The following SAMD5 variants were observed in gnomAD, a reference collection of about 807,000 sequenced individuals.
SAMD5 encodes the protein sterile alpha motif domain containing 5, also known as sterile alpha motif domain-containing protein 5.
Under a neutral mutation model 11.3 loss-of-function variants are expected in SAMD5, and 13 were observed. The observed-to-expected ratio is 1.15, with a 90% CI of 0.75 to 1.83. SAMD5 has a LOEUF of 1.83. SAMD5 is among the 40% of genes most tolerant of loss of function. The probability of loss-of-function intolerance (pLI) is 0.00; values close to 1 mark genes in which losing one functional copy is unlikely to be tolerated. For missense variants in SAMD5, 255 were observed against 239.1 expected, an observed-to-expected ratio of 1.07 and a Z score of -0.44; for synonymous variants, 129 against 111.3, an observed-to-expected ratio of 1.16 and a Z score of -1.00.
chr6:147,785,235 C>T, the SAMD5 span, among the ~76,000 whole-genome samples: 1 of 152,142 alleles, frequency 6.6e-6, no homozygotes, highest in Non-Finnish European at 1.5e-5. Context: ...TTGGGCTCCC[C>T]GTGCCAGAGT....
the SAMD5 span, among the ~76,000 whole-genome samples, chr6:147,865,762 AAAAG>A: frequency 9.2e-5 from 14 of 152,180 alleles, no homozygotes; most frequent in Admixed American, 4.6e-4. Context: ...GGCAAAAGGA[AAAAG>A]AAAACTCTCT....
chr6:147,739,005 C>T (rs961079326), downstream of SAMD5, among the ~76,000 whole-genome samples: 1 of 152,178 alleles, frequency 6.6e-6, no homozygotes, highest in Non-Finnish European at 1.5e-5. Context: ...TGAGAAAACC[C>T]GGAGGGGCAA....
At chr6:147,627,657 C>T (rs1790078521) in intron 1 of SAMD5, among the ~76,000 whole-genome samples, 1 of 152,144 alleles carries the variant, frequency 6.6e-6, no homozygotes, top group Non-Finnish European at 1.5e-5. Flanking sequence ...GTTGGCTTTA[C>T]ATAATCATCC....
the SAMD5 span, among the ~76,000 whole-genome samples, chr6:147,800,682 T>G: frequency 6.6e-6 from 1 of 152,224 alleles, no homozygotes; most frequent in Non-Finnish European, 1.5e-5. Context: ...TGAAATAACA[T>G]TGTTAGTGGT....
intron 1 of SAMD5, among the ~76,000 whole-genome samples, chr6:147,554,887 C>A (rs137991721): frequency 6.6e-6 from 1 of 152,222 alleles, no homozygotes; most frequent in Non-Finnish European, 1.5e-5. Context: ...GTCCCCAAGG[C>A]CCTTTCAGGG....
chr6:147,741,010 CAA>C (rs979182268), downstream of SAMD5, among the ~76,000 whole-genome samples: 13 of 152,290 alleles, frequency 8.5e-5, no homozygotes, highest in Admixed American at 3.3e-4. Flanking sequence ...ATTTTTAAAA[CAA>C]GAGACTTTTT....
the SAMD5 span, among the ~76,000 whole-genome samples, chr6:147,790,072 T>C: frequency 1.3e-5 from 2 of 152,214 alleles, no homozygotes; most frequent in African/African-American, 4.8e-5. Flanking sequence ...GTTGTGCTCC[T>C]AAGTCTTTAT....
At chr6:147,670,510 TTTAG>T (rs1421179810) in intron 1 of SAMD5, among the ~76,000 whole-genome samples, 1 of 152,254 alleles carries the variant, frequency 6.6e-6, no homozygotes, top group Admixed American at 6.5e-5. Context: ...AACTCTGTTG[TTTAG>T]TTTAGCTGCT....
chr6:147,622,144 T>TGGTTCC (rs2128450359), intron 1 of SAMD5, among the ~76,000 whole-genome samples: 1 of 152,250 alleles, frequency 6.6e-6, no homozygotes, highest in Non-Finnish European at 1.5e-5. Context: ...TCCCTCAGTG[T>TGGTTCC]CTGTGAGGAA....
chr6:147,768,124 T>C, the SAMD5 span, among the ~76,000 whole-genome samples: 1 of 152,208 alleles, frequency 6.6e-6, no homozygotes, highest in Non-Finnish European at 1.5e-5. Flanking sequence ...GTGTTAAATA[T>C]AATGCCATTT....
At chr6:147,832,138 T>C in the SAMD5 span, among the ~76,000 whole-genome samples, 1 of 152,074 alleles carries the variant, frequency 6.6e-6, no homozygotes, top group African/African-American at 2.4e-5. Flanking sequence ...ATGAAAGCAA[T>C]CGTTGCTATT....
downstream of SAMD5, chr6:147,741,391 T>G (rs1244156407): frequency 6.6e-6 from 1 of 152,208 alleles, no homozygotes; most frequent in Non-Finnish European, 1.5e-5. Flanking sequence ...ATTTCACATT[T>G]GTTTGCCGAG....
intron 1 of SAMD5, among the ~76,000 whole-genome samples, chr6:147,558,564 G>A (rs1411117905): frequency 2.0e-5 from 3 of 152,056 alleles, no homozygotes; most frequent in Admixed American, 2.0e-4. Context: ...TTGATTTCCT[G>A]TCACAGCTCT....
chr6:147,564,122 A>T (rs1788997124), intron 1 of SAMD5, among the ~76,000 whole-genome samples: 1 of 152,084 alleles, frequency 6.6e-6, no homozygotes, highest in African/African-American at 2.4e-5. Flanking sequence ...TTAAGTTTCC[A>T]CCTCTTAGAA....
chr6:147,754,800 C>G, the SAMD5 span, among the ~76,000 whole-genome samples: 1 of 152,080 alleles, frequency 6.6e-6, no homozygotes, highest in Non-Finnish European at 1.5e-5. Context: ...TTTCCCAGCA[C>G]CATTTATTGA....
At chr6:147,816,301 A>AAAAAAAAAATAT in the SAMD5 span, among the ~76,000 whole-genome samples, 66 of 66,334 alleles carry the variant, frequency 9.9e-4, no homozygotes, top group African/African-American at 1.2e-3. Context: ...AAAAAAAAAA[A>AAAAAAAAAATAT]ATATATATAT....
chr6:147,630,481 C>G (rs1223562485), intron 1 of SAMD5, among the ~76,000 whole-genome samples: 1 of 152,114 alleles, frequency 6.6e-6, no homozygotes, highest in Non-Finnish European at 1.5e-5. Context: ...TAACTGATGA[C>G]ATTACCTAGT....
chr6:147,766,001 T>G, the SAMD5 span, among the ~76,000 whole-genome samples: 1 of 150,822 alleles, frequency 6.6e-6, no homozygotes, highest in Non-Finnish European at 1.5e-5. Flanking sequence ...ATATCTAATA[T>G]ATACAAATAT....
intron 1 of SAMD5, among the ~76,000 whole-genome samples, chr6:147,553,388 A>G (rs1431132419): frequency 6.6e-6 from 1 of 152,174 alleles, no homozygotes; most frequent in Non-Finnish European, 1.5e-5. Flanking sequence ...GAATACCTAG[A>G]GGCTGGCTGG....
Sources: allele counts gnomAD v4.1 joint callset (sites outside exome capture counted in the v4.1 genomes callset), GRCh38; gene constraint gnomAD v4.1.1; transcripts MANE v1.5; gene names NCBI Gene and HGNC (gene_info 2026-07-23, HGNC 2026-07-21).